ZMAT4: variants seen among roughly 807,000 people sequenced by gnomAD.
ZMAT4 encodes the protein zinc finger matrin-type protein 4.
In ZMAT4, 17 loss-of-function variants were observed where a neutral mutation model predicts 28.7. The observed-to-expected ratio is 0.59, with a 90% confidence interval of 0.41 to 0.89. The LOEUF (loss-of-function observed/expected upper bound fraction) is 0.89, where lower values mean the gene tolerates loss of function less well. Ranked by LOEUF, ZMAT4 falls within the 40% of genes least tolerant of loss-of-function variation. The probability of loss-of-function intolerance (pLI) is 0.00; values close to 1 mark genes in which losing one functional copy is unlikely to be tolerated. For missense variants in ZMAT4, 240 were observed against 283.8 expected, an observed-to-expected ratio of 0.85 and a Z score of 1.11; for synonymous variants, 117 against 109.2, an observed-to-expected ratio of 1.07 and a Z score of -0.44.
At chr8:40,775,583 A>T (rs1355525279) in intron 2 of ZMAT4, among the ~76,000 whole-genome samples, 1 of 152,128 alleles carries the variant, frequency 6.6e-6, no homozygotes, top group Non-Finnish European at 1.5e-5. Flanking sequence ...TGAGGAAGAG[A>T]GGTTTGGGAC....
At chr8:40,794,847 T>C (rs1378207487) in intron 2 of ZMAT4, among the ~76,000 whole-genome samples, 1 of 151,904 alleles carries the variant, frequency 6.6e-6, no homozygotes, top group Non-Finnish European at 1.5e-5. Flanking sequence ...GTGGCAATGA[T>C]TGCGTTCATG....
intron 1 of ZMAT4, among the ~76,000 whole-genome samples, chr8:40,825,939 A>C (rs1263911116): frequency 6.6e-6 from 1 of 152,220 alleles, no homozygotes; most frequent in Non-Finnish European, 1.5e-5. Context: ...TGAACAAGCC[A>C]GACTTATATC....
intron 3 of ZMAT4, among the ~76,000 whole-genome samples, chr8:40,742,051 C>A (rs1812026477): frequency 6.7e-6 from 1 of 149,896 alleles, no homozygotes; most frequent in Admixed American, 6.7e-5. Context: ...CCAGCCTGGA[C>A]AACATGGCAA....
At chr8:40,871,021 T>C (rs1174507857) in intron 1 of ZMAT4, among the ~76,000 whole-genome samples, 2 of 152,176 alleles carry the variant, frequency 1.3e-5, no homozygotes, top group African/African-American at 4.8e-5. Context: ...TTCAGTGACC[T>C]TCAAGGGAAG....
At chr8:40,873,645 GC>G in intron 1 of ZMAT4, among the ~76,000 whole-genome samples, 1 of 152,138 alleles carries the variant, frequency 6.6e-6, no homozygotes, top group East Asian at 1.9e-4. Context: ...CAACAAAGGA[GC>G]CCCCACACCT....
intron 6 of ZMAT4, among the ~76,000 whole-genome samples, chr8:40,532,839 T>A (rs1489966679): frequency 6.6e-6 from 1 of 151,926 alleles, no homozygotes. Context: ...CTACTAAAAA[T>A]ACAAAAATTA....
In ZMAT4 at chr8:40,798,980, C is replaced by T. The variant is rs754714082; in HGVS notation, c.102+26595G>A. On this transcript the variant is annotated intron_variant, in intron 2 of 6. Coordinates refer to ENST00000297737, the MANE Select transcript of ZMAT4 (RefSeq NM_024645.3). ...GCCTTACCTTTAGCATCCTGCCTAG[C>T]TTCTCTCTTGCTGTGTCTGTCTGTG... Among the ~76,000 whole-genome samples, 58 of 152,296 alleles carry T rather than the reference C, an allele frequency of 3.8e-4. 1 individual carries two copies. The highest frequency in any genetic ancestry group is 7.2e-4 in the Non-Finnish European group (49 of 68,034).
chr8:40,554,791 A>T (rs1019915667), intron 6 of ZMAT4, among the ~76,000 whole-genome samples: 1 of 152,168 alleles, frequency 6.6e-6, no homozygotes, highest in African/African-American at 2.4e-5. Context: ...TTGAGTATTT[A>T]TCATTTCTAT....
At chr8:40,623,364 A>T (rs1473767333) in intron 5 of ZMAT4, among the ~76,000 whole-genome samples, 1 of 152,218 alleles carries the variant, frequency 6.6e-6, no homozygotes, top group Non-Finnish European at 1.5e-5. Flanking sequence ...ATTCTGGAAA[A>T]CAAGAATAAT....
At chr8:40,890,802 C>T (rs1286201787) in intron 1 of ZMAT4, among the ~76,000 whole-genome samples, 1 of 152,040 alleles carries the variant, frequency 6.6e-6, no homozygotes, top group Non-Finnish European at 1.5e-5. Context: ...ATCTCACTGA[C>T]ACATTGTGCC....
chr8:40,684,942 T>G (rs991648344), intron 4 of ZMAT4, among the ~76,000 whole-genome samples: 1 of 152,200 alleles, frequency 6.6e-6, no homozygotes, highest in African/African-American at 2.4e-5. Flanking sequence ...AACCTCCATT[T>G]TGAGTTGCCT....
At chr8:40,613,382 C>T (rs1290201264) in intron 5 of ZMAT4, among the ~76,000 whole-genome samples, 1 of 151,686 alleles carries the variant, frequency 6.6e-6, no homozygotes, top group Non-Finnish European at 1.5e-5. Flanking sequence ...TGGGGTTTCA[C>T]CATGTTGGTC....
At chr8:40,855,679 CTT>C (rs34420719) in intron 1 of ZMAT4, among the ~76,000 whole-genome samples, 135 of 139,818 alleles carry the variant, frequency 9.7e-4, no homozygotes, top group East Asian at 2.6e-3. Flanking sequence ...TTCACCAAAA[CTT>C]TTTTTTTTTT....
chr8:40,556,520 C>T (rs1369910111), intron 6 of ZMAT4, among the ~76,000 whole-genome samples: 1 of 152,080 alleles, frequency 6.6e-6, no homozygotes, highest in Middle Eastern at 3.2e-3. Context: ...TCTCTTGTCC[C>T]GTTCTCCACC....
At chr8:40,758,150 G>A (rs1812772086) in intron 3 of ZMAT4, among the ~76,000 whole-genome samples, 1 of 152,118 alleles carries the variant, frequency 6.6e-6, no homozygotes, top group Non-Finnish European at 1.5e-5. Flanking sequence ...TTGTGATCGT[G>A]TGAGTCAATA....
chr8:40,802,397 G>A (rs904826337), intron 2 of ZMAT4, among the ~76,000 whole-genome samples: 1 of 152,062 alleles, frequency 6.6e-6, no homozygotes, highest in Non-Finnish European at 1.5e-5. Context: ...TACAAGGCTA[G>A]TATATAAAAG....
chr8:40,637,242 A>C (rs1368711131), intron 5 of ZMAT4, among the ~76,000 whole-genome samples: 1 of 152,214 alleles, frequency 6.6e-6, no homozygotes, highest in African/African-American at 2.4e-5. Flanking sequence ...CAATCAAAAT[A>C]AAATAACATA....
intron 3 of ZMAT4, among the ~76,000 whole-genome samples, chr8:40,707,025 C>G (rs1278651317): frequency 6.6e-6 from 1 of 152,176 alleles, no homozygotes; most frequent in East Asian, 1.9e-4. Flanking sequence ...TCAACTCTCG[C>G]TCTCCTCCAG....
chr8:40,656,850 A>C (rs897983937), intron 5 of ZMAT4, among the ~76,000 whole-genome samples: 3 of 152,188 alleles, frequency 2.0e-5, no homozygotes, highest in Admixed American at 2.0e-4. Context: ...CCACAGAGAT[A>C]AAACCTAGAC....
Sources: allele counts gnomAD v4.1 joint callset (sites outside exome capture counted in the v4.1 genomes callset), GRCh38; gene constraint gnomAD v4.1.1; transcripts MANE v1.5; gene names NCBI Gene and HGNC (gene_info 2026-07-23, HGNC 2026-07-21).